The following SETDB2 variants were observed in gnomAD, a reference collection of about 807,000 sequenced individuals.
The protein encoded by SETDB2 is histone-lysine N-methyltransferase SETDB2.
SETDB2 carries 56 observed loss-of-function variants against 82.5 expected under a neutral mutation model. The observed-to-expected ratio is 0.68, with a 90% CI of 0.55 to 0.85. The LOEUF (loss-of-function observed/expected upper bound fraction) is 0.85, where lower values mean the gene tolerates loss of function less well. SETDB2 is among the 40% of genes least tolerant of loss of function. The pLI, the probability that SETDB2 is intolerant of heterozygous loss-of-function variation, is 0.00. For synonymous variants in SETDB2, 272 were observed against 284.9 expected, an observed-to-expected ratio of 0.95 and a Z score of 0.46; for missense variants, 677 against 816.4, an observed-to-expected ratio of 0.83 and a Z score of 2.08.
intron 12 of SETDB2, among the ~76,000 whole-genome samples, chr13:49,490,156 T>C (rs1262790704): frequency 6.6e-6 from 1 of 151,096 alleles, no homozygotes; most frequent in African/African-American, 2.4e-5. Flanking sequence ...GGCACATGCC[T>C]ATAATCCCAG....
rs758478042 is a variant in SETDB2, at chr13:49,461,189, G to T, written c.208+27G>T. 4 of 1,484,348 alleles carry T rather than the reference G, an allele frequency of 2.7e-6. No individual in the cohort carries two copies. The Admixed American group carries it at 7.2e-5, about 27-fold the overall frequency. The allele number at this position is 1,484,348 out of a possible 1,614,324, so 91.9% of individuals were successfully genotyped here. On this transcript the variant is annotated intron_variant, in intron 4 of 13. Coordinates refer to ENST00000611815, the MANE Select transcript of SETDB2 (RefSeq NM_001160308.3). The stretch of plus-strand genomic sequence containing the variant: ...TATGTACATCTCTATTCCCATTGTA[G>T]AGTATTCTCTGATATTTTCTTGCCA...
chr13:49,466,262 A>G (rs1185412719), intron 4 of SETDB2, among the ~76,000 whole-genome samples: 2 of 151,984 alleles, frequency 1.3e-5, no homozygotes, highest in East Asian at 1.9e-4. Context: ...TAGAGATTCT[A>G]CCTCTACAAA....
At chr13:49,490,305 T>A (rs1008391096) in intron 12 of SETDB2, among the ~76,000 whole-genome samples, 1 of 115,456 alleles carries the variant, frequency 8.7e-6, no homozygotes, top group African/African-American at 3.1e-5. Context: ...AAAAAAAATC[T>A]TGTGGCAATT....
chr13:49,491,890 C>A lies in SETDB2; in HGVS notation c.*41C>A, dbSNP rs1958720144. ...CTGTTTGTGAAATTAGCTTATCAGG[C>A]TGAAATTAAAGCCATGCAAAAGAAG... On this transcript the variant is annotated 3_prime_UTR_variant, in exon 14 of 14. Coordinates refer to ENST00000611815, the MANE Select transcript of SETDB2 (RefSeq NM_001160308.3). The A allele has an allele frequency of 2.9e-6, 4 of 1,389,564 alleles. No individual in the cohort carries two copies. Among genetic ancestry groups the A allele is most frequent in the East Asian group, 4.6e-5 (2 of 43,652 alleles). The allele number at this position is 1,389,564 out of a possible 1,614,324, so 86.1% of individuals were successfully genotyped here. A position where few individuals can be genotyped will look rare whatever the true frequency, so the allele number is the denominator to read the frequency against.
In SETDB2 at chr13:49,449,438, A is replaced by G. The variant is rs145860111; in HGVS notation, c.-341-2115A>G. 5.4e-3 allele frequency among the ~76,000 whole-genome samples: 817 copies of G among 152,110 alleles called. 6 individuals are homozygous for G. Among genetic ancestry groups the G allele is most frequent in the African/African-American group, 0.019 (772 of 41,510 alleles). ...GCTAATTTTTGTATTTTTGGTAGAG[A>G]TGGGATTTCGCCATGTTGGCCAGGC... On this transcript the variant is annotated intron_variant, in intron 1 of 13. Transcript: ENST00000611815.
Position 49,461,095 on chromosome 13 carries a change from A to G in SETDB2, c.143-2A>G. The G allele has an allele frequency of 1.2e-6, 2 of 1,610,200 alleles. No homozygotes were observed. Among genetic ancestry groups the G allele is most frequent in the Non-Finnish European group, 1.7e-6 (2 of 1,177,286 alleles). ...GTGATGCTGTTTTTCTGTCTTTAAC[A>G]GAATACATCCAAGCAATGATTCTAG... On this transcript the variant is annotated splice_acceptor_variant, in intron 3 of 13. Coordinates refer to ENST00000611815, the MANE Select transcript of SETDB2 (RefSeq NM_001160308.3). LOFTEE classifies it high-confidence loss of function.
At chr13:49,488,977 C>G (rs907518314) in intron 12 of SETDB2, 1 of 171,030 alleles carries the variant, frequency 5.8e-6, no homozygotes, top group South Asian at 1.4e-4. Flanking sequence ...AATAAGCTCA[C>G]TTACCTGAGT....
rs541381142 is a variant in SETDB2, at chr13:49,493,806, G to C, written c.*1957G>C. On this transcript the variant is annotated 3_prime_UTR_variant, in exon 14 of 14. Coordinates refer to ENST00000611815, the MANE Select transcript of SETDB2 (RefSeq NM_001160308.3). ...CTGAAAATCTGTCTTCTGGCTTCCA[G>C]GGTGACTACTGGAAATTGAATGCCA... 6.6e-6 allele frequency: 1 copy of C among 152,232 alleles called. No homozygotes were observed. The highest frequency in any genetic ancestry group is 1.9e-4 in the East Asian group (1 of 5,180). 9.4% of individuals were successfully genotyped at this position (152,232 alleles called of 1,614,324 possible).
In SETDB2 at chr13:49,494,335, A is replaced by G. The variant is rs1305369167; in HGVS notation, c.*2486A>G. On this transcript the variant is annotated 3_prime_UTR_variant, in exon 14 of 14. Coordinates refer to ENST00000611815, the MANE Select transcript of SETDB2 (RefSeq NM_001160308.3). ...CGTATACATACACATACAGGCATGC[A>G]TCTCTGTATTCTTTCGGCATAATCT... The G allele has an allele frequency of 6.6e-6, 1 of 152,254 alleles. No homozygotes were observed. The highest frequency in any genetic ancestry group is 6.5e-5 in the Admixed American group (1 of 15,300). The allele number at this position is 152,254 out of a possible 1,614,324, so 9.4% of individuals were successfully genotyped here.
chr13:49,452,034 A>G (rs768828013), intron 2 of SETDB2, 125 bp downstream of exon 2: 5 of 610,780 alleles, frequency 8.2e-6, no homozygotes, highest in African/African-American at 5.8e-5. Context: ...AGAGGGAATT[A>G]AGGGTTTATT....
chr13:49,477,122 T>C, intron 6 of SETDB2, 83 bp downstream of exon 6: 1 of 1,283,990 alleles, frequency 7.8e-7, no homozygotes, highest in Non-Finnish European at 1.1e-6. Context: ...TATTAATTTG[T>C]CTATCTAAAA....
At chr13:49,482,197 G>A in intron 8 of SETDB2, 1 of 985,420 alleles carries the variant, frequency 1.0e-6, no homozygotes, top group South Asian at 4.7e-5. Flanking sequence ...CTAACAATGG[G>A]TAAGAATATC....
intron 12 of SETDB2, chr13:49,489,104 G>A: frequency 6.5e-6 from 1 of 152,746 alleles, no homozygotes; most frequent in Non-Finnish European, 1.5e-5. Flanking sequence ...ACAATATACT[G>A]GTTTTTTGGT....
At position 49,451,698 on chromosome 13, in the gene SETDB2, G is replaced by A. The variant is rs915369288; in HGVS notation, c.-196G>A. 1.7e-5 allele frequency: 7 copies of A among 402,712 alleles called. No individual in the cohort carries two copies. The highest frequency in any genetic ancestry group is 3.2e-5 in the Non-Finnish European group (7 of 222,078). The allele number at this position is 402,712 out of a possible 1,614,324, so 24.9% of individuals were successfully genotyped here. A position where few individuals can be genotyped will look rare whatever the true frequency, so the allele number is the denominator to read the frequency against. ...GTTGGACTGTCACTCATTTCTGAAA[G>A]TTTCTTCAGCCACAATTTCTATTTG... is the stretch of plus-strand genomic sequence containing the variant. On this transcript the variant is annotated 5_prime_UTR_variant, in exon 2 of 14. Coordinates refer to ENST00000611815, the MANE Select transcript of SETDB2 (RefSeq NM_001160308.3).
At chr13:49,489,785 A>G (rs1958669956) in intron 12 of SETDB2, among the ~76,000 whole-genome samples, 1 of 148,866 alleles carries the variant, frequency 6.7e-6, no homozygotes, top group South Asian at 2.1e-4. Context: ...TAGTAGAGAC[A>G]CAATTTCACC....
rs148045389 is a variant in SETDB2, at chr13:49,457,837, A to G, written c.17-2270A>G. Among the ~76,000 whole-genome samples the G allele has an allele frequency of 1.6e-4, 24 of 152,356 alleles. No homozygotes were observed. The East Asian group carries it at 4.6e-3, about 29-fold the overall frequency. On this transcript the variant is annotated intron_variant, in intron 2 of 13. Transcript: ENST00000611815. ...CCAGGACAAAATTTTATGTGATTCC[A>G]GAATACTTTAATGTTACCAAAAGCT... is the stretch of plus-strand genomic sequence containing the variant.
intron 1 of SETDB2, among the ~76,000 whole-genome samples, chr13:49,447,841 TATCTC>T (rs1957720114): frequency 6.6e-6 from 1 of 152,150 alleles, no homozygotes; most frequent in Non-Finnish European, 1.5e-5. Flanking sequence ...AGGTTATACT[TATCTC>T]ATAAAAAAAA....
At chr13:49,460,659 G>A (rs886519891) in intron 3 of SETDB2, among the ~76,000 whole-genome samples, 1 of 151,898 alleles carries the variant, frequency 6.6e-6, no homozygotes, top group Non-Finnish European at 1.5e-5. Flanking sequence ...TTTTCTATTT[G>A]TTTGTTGTCA....
intron 10 of SETDB2, among the ~76,000 whole-genome samples, 172 bp from the exon 11 acceptor site, chr13:49,485,458 A>G (rs1958579293): frequency 6.6e-6 from 1 of 152,210 alleles, no homozygotes; most frequent in Non-Finnish European, 1.5e-5. Context: ...AAAGGGGATG[A>G]CACTTGTTGA....
Sources: gnomAD v4.1 joint callset for allele counts (sites outside exome capture counted in the v4.1 genomes callset) on GRCh38, gnomAD v4.1.1 for gene constraint, MANE v1.5 for transcripts, NCBI Gene and HGNC (gene_info 2026-07-23, HGNC 2026-07-21) for gene names.